BNC2: variants seen among roughly 807,000 people sequenced by gnomAD.
BNC2 encodes basonuclin zinc finger protein 2.
A neutral mutation model predicts 76.3 loss-of-function variants in BNC2; 20 were observed. That is an observed-to-expected ratio of 0.26 (90% CI 0.18 to 0.38). BNC2 has a LOEUF of 0.38. Among genes scored for constraint, BNC2 ranks in the 10% least tolerant of loss-of-function variants. BNC2 has a pLI of 1.00. For synonymous variants in BNC2, 582 were observed against 514.8 expected (o/e 1.13, Z -1.77); for missense variants, 1,382 against 1,399.8 (o/e 0.99, Z 0.20).
intron 3 of BNC2, among the ~76,000 whole-genome samples, chr9:16,587,823 G>A (rs1819815511): frequency 6.6e-6 from 1 of 152,050 alleles, no homozygotes; most frequent in Non-Finnish European, 1.5e-5. Context: ...TTATTCTTTG[G>A]AGTTCAAGTA....
rs1054137745 is a variant in BNC2 at position 16,551,215 on chromosome 9, C to T, written c.669+1315G>A. 1.3e-4 allele frequency among the ~76,000 whole-genome samples: 20 copies of T among 152,292 alleles called. No individual in the cohort carries two copies. The South Asian group carries it at 3.9e-3, about 30-fold the overall frequency. Reference sequence around the variant, plus strand: ...TGAGGGCCAAATTTTCTGTGTCTTCCCAGTTGAGATTCTCACTAAATTAAG... The same window carrying T: ...TGAGGGCCAAATTTTCTGTGTCTTCTCAGTTGAGATTCTCACTAAATTAAG... On this transcript the variant is annotated intron_variant, in intron 5 of 6. Coordinates refer to ENST00000380672, the MANE Select transcript of BNC2 (RefSeq NM_017637.6).
Position 16,723,589 on chromosome 9 carries a change from C to A in BNC2, c.330+4208G>T, listed in dbSNP as rs138234304. ...CTATATGAATAGAAAAAAAAGATTT[C>A]TTGAGGAAAATTCATATTGAGCACT... On this transcript the variant is annotated intron_variant, in intron 3 of 6. Coordinates refer to ENST00000380672, the MANE Select transcript of BNC2 (RefSeq NM_017637.6). Among the ~76,000 whole-genome samples the A allele has an allele frequency of 3.2e-3, 481 of 151,928 alleles. 1 individual carries two copies. The highest frequency in any genetic ancestry group is 0.011 in the African/African-American group (446 of 41,462).
At chr9:16,448,599 G>A (rs1587039001) in intron 5 of BNC2, among the ~76,000 whole-genome samples, 2 of 152,262 alleles carry the variant, frequency 1.3e-5, no homozygotes, top group Admixed American at 1.3e-4. Flanking sequence ...GGAGCAGGGC[G>A]AGAAAGGGAT....
At chr9:16,849,391 C>G (rs143773454) in intron 1 of BNC2, among the ~76,000 whole-genome samples, 7,604 of 142,040 alleles carry the variant, frequency 0.054, 363 homozygotes, top group African/African-American at 0.12. Flanking sequence ...TGGAGTCTCC[C>G]TCTGTCGCCC....
intron 3 of BNC2, among the ~76,000 whole-genome samples, chr9:16,704,154 T>A (rs1209804925): frequency 6.6e-6 from 1 of 152,180 alleles, no homozygotes; most frequent in Admixed American, 6.5e-5. Flanking sequence ...CAGAAAGCTG[T>A]TCCACACATC....
chr9:16,758,811 C>T (rs1466439306), intron 1 of BNC2, among the ~76,000 whole-genome samples: 3 of 152,108 alleles, frequency 2.0e-5, no homozygotes, highest in Non-Finnish European at 4.4e-5. Flanking sequence ...TAATATAAGG[C>T]TAAGGCACAA....
chr9:16,739,469 G>C (rs1395780845), intron 1 of BNC2, among the ~76,000 whole-genome samples: 1 of 152,216 alleles, frequency 6.6e-6, no homozygotes, highest in Non-Finnish European at 1.5e-5. Context: ...AGGAGTTCGA[G>C]ACCATCCTGG....
At chr9:16,498,339 A>G (rs1822444708) in intron 5 of BNC2, among the ~76,000 whole-genome samples, 1 of 149,994 alleles carries the variant, frequency 6.7e-6, no homozygotes, top group African/African-American at 2.5e-5. Flanking sequence ...CGCAGCCATA[A>G]AAAGGAATGA....
At chr9:16,618,453 A>T (rs576245769) in intron 3 of BNC2, among the ~76,000 whole-genome samples, 25 of 152,314 alleles carry the variant, frequency 1.6e-4, no homozygotes, top group African/African-American at 5.8e-4. Flanking sequence ...GAGCATGGCC[A>T]CGGACTAGGG....
At chr9:16,867,453 G>T (rs1483833121) in intron 1 of BNC2, 1 of 152,076 alleles carries the variant, frequency 6.6e-6, no homozygotes, top group East Asian at 1.9e-4. Context: ...AACCATAAAA[G>T]CCACATTGTC....
rs920481316 is a variant in BNC2, at chr9:16,685,729, G to A, written c.330+42068C>T. The A allele has an allele frequency of 4.6e-6, 3 of 652,906 alleles. No individual in the cohort carries two copies. The Admixed American group carries it at 7.1e-5, about 16-fold the overall frequency. 40.4% of individuals were successfully genotyped at this position (652,906 alleles called of 1,614,324 possible). On this transcript the variant is annotated intron_variant, in intron 3 of 6. Coordinates refer to ENST00000380672, the MANE Select transcript of BNC2 (RefSeq NM_017637.6). ...CAGAGAGAGGAAATCCCAACTGCGG[G>A]TCTCTAACAGGTCATCATGGCTTGA...
intron 1 of BNC2, chr9:16,867,981 G>C (rs886921329): frequency 9.2e-5 from 14 of 152,112 alleles, no homozygotes; most frequent in Admixed American, 2.0e-4. Context: ...CGCCTAACCC[G>C]CCTCTCTGTT....
chr9:16,850,809 T>A (rs200970856), intron 1 of BNC2, among the ~76,000 whole-genome samples: 118 of 148,596 alleles, frequency 7.9e-4, no homozygotes, highest in African/African-American at 2.9e-3. Context: ...AAAAAGTAAA[T>A]AAAAAAAAAA....
At chr9:16,478,654 A>AC (rs1431487556) in intron 5 of BNC2, among the ~76,000 whole-genome samples, 1 of 152,210 alleles carries the variant, frequency 6.6e-6, no homozygotes, top group Non-Finnish European at 1.5e-5. Flanking sequence ...TATAAGAGGA[A>AC]AGGACCATTA....
In BNC2 at chr9:16,418,692, A is replaced by T. The variant is rs199693400; in HGVS notation, c.*297T>A. ...TGTGTGTGTGTGTGTGTGTGTGTGT[A>T]TGTGCATGTGTGTGTGTGTGTGTTT... On this transcript the variant is annotated 3_prime_UTR_variant, in exon 7 of 7. Coordinates refer to ENST00000380672, the MANE Select transcript of BNC2 (RefSeq NM_017637.6). 1.0e-5 allele frequency: 3 copies of T among 290,258 alleles called. No homozygotes were observed. The highest frequency in any genetic ancestry group is 1.2e-5 in the Non-Finnish European group (2 of 162,728). The allele number at this position is 290,258 out of a possible 1,614,324, so 18.0% of individuals were successfully genotyped here.
intron 5 of BNC2, among the ~76,000 whole-genome samples, chr9:16,453,145 G>T (rs930266513): frequency 3.9e-5 from 6 of 152,150 alleles, no homozygotes; most frequent in Admixed American, 2.6e-4. Flanking sequence ...GCTGAGGCCT[G>T]AAAATGAGCC....
chr9:16,422,056 T>C (rs556523373), intron 6 of BNC2, among the ~76,000 whole-genome samples: 19 of 152,248 alleles, frequency 1.2e-4, no homozygotes, highest in African/African-American at 2.6e-4. Flanking sequence ...TAAATTAACA[T>C]TGAGAAAAGG....
At chr9:16,830,671 G>C (rs767814870) in intron 1 of BNC2, among the ~76,000 whole-genome samples, 31 of 152,108 alleles carry the variant, frequency 2.0e-4, no homozygotes, top group Non-Finnish European at 1.5e-5. Flanking sequence ...CCATTTCTAA[G>C]TATCTAAGTA....
At chr9:16,441,448 G>A (rs973021522) in intron 5 of BNC2, among the ~76,000 whole-genome samples, 16 of 152,166 alleles carry the variant, frequency 1.1e-4, no homozygotes, top group African/African-American at 2.9e-4. Flanking sequence ...CAGTTTTACT[G>A]TATCTTTGAC....
Sources: allele counts gnomAD v4.1 joint callset (sites outside exome capture counted in the v4.1 genomes callset), GRCh38; gene constraint gnomAD v4.1.1; transcripts MANE v1.5; gene names NCBI Gene and HGNC (gene_info 2026-07-23, HGNC 2026-07-21).